The following NFYC variants were observed in gnomAD, a reference collection of about 807,000 sequenced individuals.
The protein encoded by NFYC is nuclear transcription factor Y subunit gamma, also known as CAAT box DNA-binding protein subunit C.
A neutral mutation model predicts 53.1 loss-of-function variants in NFYC; 25 were observed. The observed-to-expected ratio is 0.47, with a 90% confidence interval of 0.34 to 0.66. The LOEUF is 0.66. Among genes scored for constraint, NFYC ranks in the 30% least tolerant of loss-of-function variants. The pLI is 0.01. For synonymous variants in NFYC, 145 were observed against 152.6 expected, an observed-to-expected ratio of 0.95 and a Z score of 0.37; for missense variants, 260 against 422.7, an observed-to-expected ratio of 0.62 and a Z score of 3.38.
At chr1:40,760,446 C>T (rs1472350195) in intron 6 of NFYC, among the ~76,000 whole-genome samples, 2 of 152,048 alleles carry the variant, frequency 1.3e-5, no homozygotes, top group Non-Finnish European at 1.5e-5. Context: ...TATGGCTGGG[C>T]GTAGTGGCTC....
rs1394534125 is a variant in NFYC at position 40,737,995 on chromosome 1, C to T, written c.-8-841C>T. Among the ~76,000 whole-genome samples the T allele has an allele frequency of 6.0e-5, 9 of 149,556 alleles. No individual in the cohort carries two copies. The East Asian group carries it at 9.9e-4, about 16-fold the overall frequency. On this transcript the variant is annotated intron_variant, in intron 1 of 9. Transcript: ENST00000447388. Reference sequence around the variant, plus strand: ...TCGGCTCACTGCAAGCTCCGCCTCCCGGGTTCACGCCATTCTCCTGCCTCA... The same window carrying T: ...TCGGCTCACTGCAAGCTCCGCCTCCTGGGTTCACGCCATTCTCCTGCCTCA...
At chr1:40,736,397 A>G (rs539619274) in intron 1 of NFYC, among the ~76,000 whole-genome samples, 1 of 152,326 alleles carries the variant, frequency 6.6e-6, no homozygotes, top group African/African-American at 2.4e-5. Context: ...CTGCTGTGAT[A>G]GAGTGTTCTG....
rs148227556 is a variant in NFYC, at chr1:40,755,352, A to G, written c.387+2106A>G. Among the ~76,000 whole-genome samples the G allele has an allele frequency of 8.6e-3, 1,315 of 152,330 alleles. 17 individuals are homozygous for G. The highest frequency in any genetic ancestry group is 0.029 in the African/African-American group (1,226 of 41,566). ...CATTCTGGATTGATCCAGTCATTAA[A>G]GCATTGTTCTGCCACTTGGGGCAAC... On this transcript the variant is annotated intron_variant, in intron 5 of 9. Coordinates refer to ENST00000447388, the MANE Select transcript of NFYC (RefSeq NM_014223.5).
intron 8 of NFYC, chr1:40,767,145 C>CCTTCT: frequency 1.6e-6 from 1 of 641,052 alleles, no homozygotes; most frequent in South Asian, 1.8e-5. Flanking sequence ...GAAAAATTGC[C>CCTTCT]CTTCTCCTCT....
At chr1:40,769,157 C>T (rs1017487457) in intron 8 of NFYC, 199 bp from the exon 9 acceptor site, 7 of 592,912 alleles carry the variant, frequency 1.2e-5, no homozygotes, top group African/African-American at 3.7e-5. Flanking sequence ...TTCTCGATGT[C>T]ACTTTGTGCT....
At position 40,770,645 on chromosome 1, in the gene NFYC, C is replaced by T. The variant is rs1479817479; in HGVS notation, c.889-64C>T. The T allele has an allele frequency of 6.2e-7, 1 of 1,613,984 alleles. No homozygotes were observed. Among genetic ancestry groups the T allele is most frequent in the Non-Finnish European group, 8.5e-7 (1 of 1,180,014 alleles). ...CTGGGACCCCCAACCAGCTCGAGAC[C>T]CATAGGGAGCTGCATGCCCCTCTCC... On this transcript the variant is annotated intron_variant, in intron 9 of 9. Transcript: ENST00000447388. This position sits in a 1 kb window ranked among gnomAD's most constrained non-coding sequence, Gnocchi z 5.3.
At chr1:40,708,040 C>T (rs898614476) in intron 1 of NFYC, among the ~76,000 whole-genome samples, 4 of 152,006 alleles carry the variant, frequency 2.6e-5, no homozygotes, top group Non-Finnish European at 4.4e-5. Context: ...TGTGTCTGTA[C>T]GGAACATATG....
chr1:40,700,184 T>G (rs1219236691), intron 1 of NFYC, among the ~76,000 whole-genome samples: 1 of 152,196 alleles, frequency 6.6e-6, no homozygotes, highest in African/African-American at 2.4e-5. Flanking sequence ...TGAATGTGAT[T>G]TCAAAGGTCA....
At chr1:40,725,278 G>T (rs1644469950) in intron 1 of NFYC, among the ~76,000 whole-genome samples, 1 of 152,120 alleles carries the variant, frequency 6.6e-6, no homozygotes, top group African/African-American at 2.4e-5. Flanking sequence ...TCTTCAAGTA[G>T]TGAAGTGTAG....
chr1:40,747,898 C>T (rs1284666723), intron 3 of NFYC, among the ~76,000 whole-genome samples: 2 of 148,764 alleles, frequency 1.3e-5, no homozygotes, highest in African/African-American at 5.0e-5. Flanking sequence ...TGCAGTGGTG[C>T]GAGCTTAGCT....
chr1:40,725,388 A>G (rs1328563494), intron 1 of NFYC, among the ~76,000 whole-genome samples: 1 of 152,226 alleles, frequency 6.6e-6, no homozygotes, highest in Non-Finnish European at 1.5e-5. Context: ...GCCACCAGCT[A>G]GTAGGCAGCA....
At chr1:40,720,063 C>CCTGACAG (rs1203410683) in intron 1 of NFYC, among the ~76,000 whole-genome samples, 1 of 152,108 alleles carries the variant, frequency 6.6e-6, no homozygotes, top group African/African-American at 2.4e-5. Context: ...GTTCTCAGTT[C>CCTGACAG]CTGACAGCTG....
chr1:40,719,692 C>G (rs1315160991), intron 1 of NFYC, among the ~76,000 whole-genome samples: 1 of 152,134 alleles, frequency 6.6e-6, no homozygotes, highest in Non-Finnish European at 1.5e-5. Context: ...GGTAAAAAGG[C>G]CTGGTGGATT....
intron 1 of NFYC, among the ~76,000 whole-genome samples, chr1:40,694,358 A>C (rs1643008119): frequency 6.6e-6 from 1 of 152,240 alleles, no homozygotes; most frequent in African/African-American, 2.4e-5. Context: ...AAACCTTTAA[A>C]TCAGGGTTTG....
At chr1:40,725,499 T>A (rs1219982374) in intron 1 of NFYC, among the ~76,000 whole-genome samples, 1 of 152,240 alleles carries the variant, frequency 6.6e-6, no homozygotes, top group Non-Finnish European at 1.5e-5. Flanking sequence ...TTGGAGAGTA[T>A]AAGCCTTCTT....
At position 40,704,322 on chromosome 1, in the gene NFYC, C is replaced by T. The variant is rs1169014734; in HGVS notation, c.-9+12455C>T. ...TCCTGAATTCGTGATCTGCCCCCCT[C>T]AGCCTCCCAAAGTGCTGGTATTACA... On this transcript the variant is annotated intron_variant, in intron 1 of 9. Coordinates refer to ENST00000447388, the MANE Select transcript of NFYC (RefSeq NM_014223.5). 1.1e-4 allele frequency among the ~76,000 whole-genome samples: 16 copies of T among 152,320 alleles called. 1 individual carries two copies. In the South Asian group the frequency reaches 1.7e-3, roughly 16 times the overall value.
At chr1:40,726,125 G>T (rs1389588851) in intron 1 of NFYC, among the ~76,000 whole-genome samples, 71 of 126,476 alleles carry the variant, frequency 5.6e-4, no homozygotes, top group African/African-American at 1.5e-3. Context: ...GTGTGTGTGT[G>T]TTTTTTTTTG....
intron 1 of NFYC, among the ~76,000 whole-genome samples, chr1:40,693,711 G>A (rs1642970100): frequency 6.6e-6 from 1 of 152,214 alleles, no homozygotes; most frequent in South Asian, 2.1e-4. Context: ...AACCCTGGTT[G>A]CCTGATGCCA....
At chr1:40,717,875 A>G (rs530329696) in intron 1 of NFYC, among the ~76,000 whole-genome samples, 9 of 152,370 alleles carry the variant, frequency 5.9e-5, no homozygotes, top group African/African-American at 2.2e-4. Context: ...CCACATGATC[A>G]TTGTAGCACC....
Sources: gnomAD v4.1 joint callset for allele counts (sites outside exome capture counted in the v4.1 genomes callset) on GRCh38, gnomAD v4.1.1 for gene constraint, Gnocchi (gnomAD v3.1) non-coding constraint, MANE v1.5 for transcripts, NCBI Gene and HGNC (gene_info 2026-07-23, HGNC 2026-07-21) for gene names.